Variants in SYAP1 observed in about 807,000 individuals in gnomAD.
The protein encoded by SYAP1 is synapse associated protein 1.
SYAP1 carries 3 observed loss-of-function variants against 29.6 expected under a neutral mutation model. The observed-to-expected ratio is 0.10, with a 90% CI of 0.05 to 0.26. The LOEUF (loss-of-function observed/expected upper bound fraction) is 0.26, where lower values mean the gene tolerates loss of function less well. Among genes scored for constraint, SYAP1 ranks in the 10% least tolerant of loss-of-function variants. The pLI, the probability that SYAP1 is intolerant of heterozygous loss-of-function variation, is 1.00. For missense variants in SYAP1, 217 were observed against 264.1 expected (o/e 0.82, Z 1.24); for synonymous variants, 102 against 102.7 (o/e 0.99, Z 0.04).
At chrX:16,745,787 A>G (rs2147430231) in intron 5 of SYAP1, among the ~76,000 whole-genome samples, 1 of 108,706 alleles carries the variant, frequency 9.2e-6, no homozygotes, top group South Asian at 3.9e-4. Context: ...TCCACTTGAC[A>G]GCTTTCCACT....
chrX:16,719,981 G>A (rs1925923840), intron 1 of SYAP1, 82 bp downstream of exon 1: 2 of 1,008,867 alleles, frequency 2.0e-6, no homozygotes, highest in Admixed American at 3.6e-5. Context: ...GGCCCGACTG[G>A]CTGGGGGATG....
At position 16,719,832 on chromosome X, in the gene SYAP1, G is replaced by A; in HGVS notation, c.108G>A (p.Glu36=). The A allele has an allele frequency of 8.3e-7, 1 of 1,197,912 alleles. No homozygotes were observed. The highest frequency in any genetic ancestry group is 1.8e-5 in the South Asian group (1 of 55,004). The part of the protein sequence containing the change: ...PPEQPSETVA[E]SAEEELQQAG... Reference sequence around the variant, plus strand: ...AGCAGCCGTCCGAGACGGTGGCTGAGTCTGCGGAGGAGGAGCTGCAGCAAG... The same window carrying A: ...AGCAGCCGTCCGAGACGGTGGCTGAATCTGCGGAGGAGGAGCTGCAGCAAG... Residue 36 remains glutamate (E), a synonymous_variant, in exon 1 of 9, where the codon GAG becomes GAA. Transcript: ENST00000380155.
At chrX:16,748,932 T>C (rs1926667491) in intron 5 of SYAP1, among the ~76,000 whole-genome samples, 1 of 109,474 alleles carries the variant, frequency 9.1e-6, no homozygotes, top group Admixed American at 9.9e-5. Context: ...AATTTTTGTA[T>C]ATTTAGTAGA....
chrX:16,741,495 C>G (rs1926458385), intron 3 of SYAP1, among the ~76,000 whole-genome samples: 1 of 78,954 alleles, frequency 1.3e-5, no homozygotes, highest in Non-Finnish European at 2.5e-5. Context: ...CATGCCTGGC[C>G]TCAAGTAGAG....
At chrX:16,727,870 A>T (rs867956666) in intron 1 of SYAP1, among the ~76,000 whole-genome samples, 4 of 112,175 alleles carry the variant, frequency 3.6e-5, no homozygotes, top group Non-Finnish European at 7.5e-5. Context: ...GTCAAGTTTG[A>T]TTCATTAAAG....
intron 5 of SYAP1, among the ~76,000 whole-genome samples, chrX:16,752,537 T>C (rs1926758477): frequency 9.1e-6 from 1 of 109,890 alleles, no homozygotes; most frequent in East Asian, 2.8e-4. Flanking sequence ...ATGACCACAG[T>C]GTGCCCATCC....
chrX:16,727,965 T>C (rs1233486020), intron 1 of SYAP1, among the ~76,000 whole-genome samples: 1 of 112,321 alleles, frequency 8.9e-6, no homozygotes, highest in Non-Finnish European at 1.9e-5. Context: ...CAGATTCTTA[T>C]TGAACTTATG....
chrX:16,738,460 C>T (rs1265288036), intron 3 of SYAP1, among the ~76,000 whole-genome samples: 3 of 110,928 alleles, frequency 2.7e-5, no homozygotes, highest in Non-Finnish European at 3.8e-5. Context: ...AAGTAATTTG[C>T]GGAAGGTCAC....
At chrX:16,755,507 C>A (rs141637128) in intron 6 of SYAP1, among the ~76,000 whole-genome samples, 2 of 109,196 alleles carry the variant, frequency 1.8e-5, no homozygotes, top group Admixed American at 2.0e-4. Flanking sequence ...ATCTTCCCCC[C>A]CTCTCATTTT....
chrX:16,753,947 G>A (rs970757400), intron 5 of SYAP1, among the ~76,000 whole-genome samples: 1 of 110,177 alleles, frequency 9.1e-6, no homozygotes, highest in African/African-American at 3.3e-5. Flanking sequence ...CTCACTCTCC[G>A]TTCCAGGCCA....
chrX:16,725,702 C>T (rs1638548126), intron 1 of SYAP1, among the ~76,000 whole-genome samples: 1 of 111,259 alleles, frequency 9.0e-6, no homozygotes, highest in Non-Finnish European at 1.9e-5. Context: ...CTCTTTTTGT[C>T]TTTGATTCTC....
At chrX:16,741,529 A>G (rs763941028) in intron 3 of SYAP1, among the ~76,000 whole-genome samples, 187 bp from the exon 4 acceptor site, 1 of 109,282 alleles carries the variant, frequency 9.2e-6, no homozygotes, top group East Asian at 2.9e-4. Context: ...TACCAAATGC[A>G]TATGTGCATA....
At chrX:16,727,117 A>G (rs1926096231) in intron 1 of SYAP1, among the ~76,000 whole-genome samples, 1 of 111,139 alleles carries the variant, frequency 9.0e-6, no homozygotes, top group African/African-American at 3.3e-5. Context: ...TAGTTTTTGA[A>G]ACAAAATTTT....
chrX:16,738,780 A>G (rs1926384697), intron 3 of SYAP1, among the ~76,000 whole-genome samples: 4 of 112,436 alleles, frequency 3.6e-5, no homozygotes, highest in South Asian at 3.7e-4. Flanking sequence ...GCAGTCAGCC[A>G]TGGGAGGCAG....
intron 1 of SYAP1, among the ~76,000 whole-genome samples, chrX:16,723,989 G>T (rs775874762): frequency 5.3e-5 from 6 of 112,175 alleles, no homozygotes; most frequent in Non-Finnish European, 9.4e-5. Flanking sequence ...AAAGTCCAGT[G>T]ATCAGAGGCT....
rs967488193 is a variant in SYAP1, at chrX:16,763,358, T to C, written c.*2999T>C. The C allele has an allele frequency of 7.5e-5, 8 of 107,325 alleles. No homozygotes were observed. The highest frequency in any genetic ancestry group is 2.7e-4 in the African/African-American group (8 of 29,669). The allele number at this position is 107,325 out of a possible 1,213,427, so 8.8% of individuals were successfully genotyped here. A position where few individuals can be genotyped will look rare whatever the true frequency, so the allele number is the denominator to read the frequency against. ...AATCGGGCATTTCTTTTTTTGTTTGTTTTTTTTTCTTGGAGACAGAATCTT... is the reference window on the plus strand; with the variant it reads ...AATCGGGCATTTCTTTTTTTGTTTGCTTTTTTTTCTTGGAGACAGAATCTT... On this transcript the variant is annotated 3_prime_UTR_variant, in exon 9 of 9. Transcript: ENST00000380155.
At chrX:16,754,447 G>C (rs748676416) in intron 5 of SYAP1, among the ~76,000 whole-genome samples, 46 of 111,907 alleles carry the variant, frequency 4.1e-4, no homozygotes, top group African/African-American at 1.4e-3. Context: ...AAGTGAATAT[G>C]GGCTGGGTGC....
chrX:16,752,748 A>G (rs932718712), intron 5 of SYAP1, among the ~76,000 whole-genome samples: 1 of 111,090 alleles, frequency 9.0e-6, no homozygotes, highest in African/African-American at 3.3e-5. Flanking sequence ...TTGTCCCATT[A>G]CTGTTCATAC....
At chrX:16,727,987 A>G (rs1602320615) in intron 1 of SYAP1, among the ~76,000 whole-genome samples, 1 of 112,390 alleles carries the variant, frequency 8.9e-6, no homozygotes, top group East Asian at 2.8e-4. Flanking sequence ...AAATAACTAT[A>G]TTGCCATAAT....
Sources: gnomAD v4.1 joint callset for allele counts (sites outside exome capture counted in the v4.1 genomes callset) on GRCh38, gnomAD v4.1.1 for gene constraint, MANE v1.5 for transcripts, NCBI Gene and HGNC (gene_info 2026-07-23, HGNC 2026-07-21) for gene names.